COBL: variants seen among roughly 807,000 people sequenced by gnomAD.
COBL encodes the protein cordon-bleu WH2 repeat protein.
COBL carries 51 observed loss-of-function variants against 98.8 expected under a neutral mutation model. The ratio of observed to expected loss-of-function variants is 0.52; its 90% CI spans 0.41 to 0.65. COBL has a LOEUF of 0.65. Ranked by LOEUF, COBL falls within the 30% of genes least tolerant of loss-of-function variation. COBL has a pLI of 0.00. For missense variants in COBL, 1,617 were observed against 1,617.5 expected, an observed-to-expected ratio of 1.00 and a Z score of 0.01; for synonymous variants, 634 against 651.7, an observed-to-expected ratio of 0.97 and a Z score of 0.41.
intron 5 of COBL, among the ~76,000 whole-genome samples, chr7:51,146,466 C>A (rs1279692105): frequency 6.6e-6 from 1 of 152,166 alleles, no homozygotes; most frequent in African/African-American, 2.4e-5. Context: ...CCTTGAGGTT[C>A]TCTTGGCAAT....
intron 1 of COBL, among the ~76,000 whole-genome samples, chr7:51,292,257 A>C (rs969779682): frequency 6.6e-6 from 1 of 152,202 alleles, no homozygotes; most frequent in Non-Finnish European, 1.5e-5. Context: ...TTACATTTGA[A>C]AGGTTCCATG....
intron 5 of COBL, among the ~76,000 whole-genome samples, chr7:51,164,949 T>C (rs886524027): frequency 6.6e-6 from 1 of 152,004 alleles, no homozygotes; most frequent in African/African-American, 2.4e-5. Flanking sequence ...AAAATAGTAT[T>C]TGCAAGCCTC....
intron 7 of COBL, chr7:51,065,494 T>G: frequency 1.5e-6 from 1 of 669,862 alleles, no homozygotes; most frequent in Non-Finnish European, 2.7e-6. Context: ...AGAGGCCGAA[T>G]GCACGCAGGA....
At chr7:51,184,837 A>G (rs1444519909) in intron 4 of COBL, among the ~76,000 whole-genome samples, 2 of 152,188 alleles carry the variant, frequency 1.3e-5, no homozygotes, top group African/African-American at 2.4e-5. Context: ...TGAGTGAGGT[A>G]CAAACTTTAA....
At chr7:51,208,936 A>G (rs1193922359) in intron 2 of COBL, among the ~76,000 whole-genome samples, 1 of 151,260 alleles carries the variant, frequency 6.6e-6, no homozygotes, top group Non-Finnish European at 1.5e-5. Flanking sequence ...TCCTCTGCCT[A>G]GGAAAACCAG....
intron 1 of COBL, among the ~76,000 whole-genome samples, chr7:51,275,646 C>T (rs1029508145): frequency 6.6e-6 from 1 of 152,094 alleles, no homozygotes; most frequent in Non-Finnish European, 1.5e-5. Context: ...CACCACCAGC[C>T]GCCACCAACC....
At chr7:51,100,579 G>A (rs1217301533) in intron 6 of COBL, among the ~76,000 whole-genome samples, 1 of 152,158 alleles carries the variant, frequency 6.6e-6, no homozygotes, top group Admixed American at 6.5e-5. Flanking sequence ...TAAGCTGAAG[G>A]TAATTAATTA....
chr7:51,019,741 A>G (rs13232832), intron 12 of COBL, among the ~76,000 whole-genome samples: 1 of 152,214 alleles, frequency 6.6e-6, no homozygotes, highest in East Asian at 1.9e-4. Context: ...AGGCCTCAGA[A>G]CAATTTCACA....
intron 1 of COBL, among the ~76,000 whole-genome samples, chr7:51,268,477 C>A (rs1436874239): frequency 6.6e-6 from 1 of 152,186 alleles, no homozygotes; most frequent in Non-Finnish European, 1.5e-5. Flanking sequence ...ACCCTTCCTG[C>A]AACGCAGATG....
In COBL at chr7:51,240,283, A is replaced by G. The variant is rs139187215; in HGVS notation, c.42-20339T>C. On this transcript the variant is annotated intron_variant, in intron 1 of 12. Transcript: ENST00000265136. ...GAATCACATAATAATTTAAGGAAAC[A>G]CTGTGAGTATTCATACACTTAATCC... Among the ~76,000 whole-genome samples, 30 of 152,306 alleles carry G rather than the reference A, an allele frequency of 2.0e-4. No individual in the cohort carries two copies. In the Middle Eastern group the frequency reaches 0.01, roughly 52 times the overall value.
chr7:51,275,470 T>C (rs954078709), intron 1 of COBL, among the ~76,000 whole-genome samples: 18 of 152,320 alleles, frequency 1.2e-4, no homozygotes, highest in African/African-American at 3.6e-4. Flanking sequence ...AGGGCCTGGC[T>C]GTTCTGAGAT....
chr7:51,311,781 A>G (rs1334452958), intron 1 of COBL, among the ~76,000 whole-genome samples: 1 of 152,208 alleles, frequency 6.6e-6, no homozygotes, highest in Non-Finnish European at 1.5e-5. Context: ...GTAAAAAGGC[A>G]TATTATCAAT....
intron 2 of COBL, among the ~76,000 whole-genome samples, chr7:51,212,646 C>A (rs554218825): frequency 6.6e-6 from 1 of 152,220 alleles, no homozygotes; most frequent in African/African-American, 2.4e-5. Flanking sequence ...GTTCATGCCA[C>A]CCCACCAGTG....
chr7:51,096,098 T>C (rs145452038), intron 6 of COBL, among the ~76,000 whole-genome samples: 10 of 152,230 alleles, frequency 6.6e-5, no homozygotes, highest in African/African-American at 2.4e-4. Flanking sequence ...TTCTCTATGA[T>C]AGATCACATT....
At chr7:51,045,430 A>G (rs921872965) in intron 7 of COBL, among the ~76,000 whole-genome samples, 2 of 152,130 alleles carry the variant, frequency 1.3e-5, no homozygotes, top group African/African-American at 4.8e-5. Flanking sequence ...ACGTACGCAA[A>G]GAATGACAGT....
intron 1 of COBL, among the ~76,000 whole-genome samples, chr7:51,224,949 G>A (rs887617038): frequency 1.3e-5 from 2 of 150,050 alleles, no homozygotes; most frequent in East Asian, 1.9e-4. Flanking sequence ...CCGTGCATGC[G>A]GGGGCGGCCC....
intron 6 of COBL, among the ~76,000 whole-genome samples, chr7:51,094,094 G>C (rs1795066829): frequency 6.6e-6 from 1 of 151,880 alleles, no homozygotes; most frequent in Non-Finnish European, 1.5e-5. Flanking sequence ...GGGTGGAACT[G>C]GAGGACATTA....
chr7:51,281,331 A>G (rs964641311), intron 1 of COBL, among the ~76,000 whole-genome samples: 1 of 152,190 alleles, frequency 6.6e-6, no homozygotes, highest in African/African-American at 2.4e-5. Context: ...TTTCATGTCA[A>G]TGGGATCCTA....
intron 6 of COBL, among the ~76,000 whole-genome samples, chr7:51,107,448 C>G (rs1796415204): frequency 6.6e-6 from 1 of 152,084 alleles, no homozygotes; most frequent in Non-Finnish European, 1.5e-5. Flanking sequence ...ATATGTATAT[C>G]CCAGTTCAGT....
Sources: gnomAD v4.1 joint callset for allele counts (sites outside exome capture counted in the v4.1 genomes callset) on GRCh38, gnomAD v4.1.1 for gene constraint, MANE v1.5 for transcripts, NCBI Gene and HGNC (gene_info 2026-07-23, HGNC 2026-07-21) for gene names.